SOX6: variants seen among roughly 807,000 people sequenced by gnomAD.
SOX6 encodes the protein SRY-box transcription factor 6.
In SOX6, 11 loss-of-function variants were observed where a neutral mutation model predicts 97.8. The observed-to-expected ratio is 0.11, with a 90% CI of 0.07 to 0.19. The LOEUF (loss-of-function observed/expected upper bound fraction) is 0.19, where lower values mean the gene tolerates loss of function less well. Ranked by LOEUF, SOX6 falls within the 10% of genes least tolerant of loss-of-function variation. The probability of loss-of-function intolerance (pLI) is 1.00; values close to 1 mark genes in which losing one functional copy is unlikely to be tolerated. For missense variants in SOX6, 810 were observed against 1,039.5 expected (o/e 0.78, Z 3.04); for synonymous variants, 360 against 371.4 (o/e 0.97, Z 0.35).
intron 4 of SOX6, among the ~76,000 whole-genome samples, chr11:16,205,290 T>C (rs1852043524): frequency 6.6e-6 from 1 of 152,068 alleles, no homozygotes; most frequent in Admixed American, 6.6e-5. Context: ...AGATCTTCTA[T>C]AGGGAAAACA....
intron 1 of SOX6, chr11:16,736,596 T>A (rs1323936507): frequency 6.6e-6 from 1 of 152,214 alleles, no homozygotes; most frequent in African/African-American, 2.4e-5. Flanking sequence ...ATTTCAGAAA[T>A]CTTTTAGCAG....
At chr11:16,427,888 C>A (rs1859182266) in intron 1 of SOX6, among the ~76,000 whole-genome samples, 1 of 152,138 alleles carries the variant, frequency 6.6e-6, no homozygotes, top group African/African-American at 2.4e-5. Context: ...AGTTCTAGAT[C>A]CCTGAGGAAT....
At chr11:16,461,493 A>G (rs1428095105) in intron 1 of SOX6, among the ~76,000 whole-genome samples, 1 of 152,090 alleles carries the variant, frequency 6.6e-6, no homozygotes, top group Non-Finnish European at 1.5e-5. Context: ...TCTAGCCTAT[A>G]CATACCTATA....
At chr11:16,276,003 C>A (rs1413757405) in intron 3 of SOX6, among the ~76,000 whole-genome samples, 8 of 151,980 alleles carry the variant, frequency 5.3e-5, no homozygotes, top group Admixed American at 5.2e-4. Flanking sequence ...ATATGATGTA[C>A]ATTAAACTAA....
intron 6 of SOX6, among the ~76,000 whole-genome samples, chr11:16,149,704 C>G (rs1000543325): frequency 2.6e-5 from 4 of 152,130 alleles, no homozygotes; most frequent in Admixed American, 2.6e-4. Flanking sequence ...TAAAACTCAT[C>G]AAGTTTAAAT....
intron 1 of SOX6, among the ~76,000 whole-genome samples, chr11:16,372,335 T>C (rs907876618): frequency 1.3e-5 from 2 of 152,038 alleles, no homozygotes; most frequent in African/African-American, 4.8e-5. Context: ...TTATTTTTAA[T>C]ATATAATAGA....
chr11:16,735,500 A>G (rs1369337692), intron 2 of SOX6, among the ~76,000 whole-genome samples: 1 of 152,204 alleles, frequency 6.6e-6, no homozygotes, highest in Non-Finnish European at 1.5e-5. Context: ...AGGATTATGC[A>G]TTATTCACTC....
chr11:16,077,507 T>G (rs1362377472), intron 9 of SOX6, among the ~76,000 whole-genome samples: 1 of 152,058 alleles, frequency 6.6e-6, no homozygotes, highest in Non-Finnish European at 1.5e-5. Flanking sequence ...GACACACACG[T>G]GTATGTTCAT....
intron 9 of SOX6, among the ~76,000 whole-genome samples, chr11:16,088,552 T>C (rs1288640747): frequency 6.6e-6 from 1 of 152,178 alleles, no homozygotes; most frequent in Admixed American, 6.6e-5. Flanking sequence ...GTTGGAATCA[T>C]GTAGTATGCT....
In SOX6 at chr11:16,605,781, G is replaced by A. The variant is rs1848327509; in HGVS notation, n.609+6300C>T. The A allele has an allele frequency of 6.6e-6, 1 of 152,294 alleles. No homozygotes were observed. Among genetic ancestry groups the A allele is most frequent in the African/African-American group, 2.4e-5 (1 of 41,526 alleles). 9.4% of individuals were successfully genotyped at this position (152,294 alleles called of 1,614,324 possible). A position where few individuals can be genotyped will look rare whatever the true frequency, so the allele number is the denominator to read the frequency against. Reference sequence around the variant, plus strand: ...GCCCAGAAGCTCAGCGGGTCCTCCCGACCTCCCGCACCCAGAGCCTGGGTG... The same window carrying A: ...GCCCAGAAGCTCAGCGGGTCCTCCCAACCTCCCGCACCCAGAGCCTGGGTG... On this transcript the variant is annotated intron_variant and non_coding_transcript_variant, in intron 4 of 5. Coordinates refer to the SOX6 transcript ENST00000524520. The surrounding 1 kb of genome is among the most constrained non-coding windows in gnomAD (Gnocchi z 5.3).
chr11:16,316,572 A>G (rs192588860), intron 3 of SOX6: 1 of 152,182 alleles, frequency 6.6e-6, no homozygotes, highest in East Asian at 1.9e-4. Context: ...ACACATGGTA[A>G]CAAAGAGGAC....
intron 13 of SOX6, among the ~76,000 whole-genome samples, chr11:15,994,748 T>C (rs1331178502): frequency 6.6e-6 from 1 of 152,158 alleles, no homozygotes; most frequent in Non-Finnish European, 1.5e-5. Context: ...ATGCAAAATA[T>C]TGGCGCAAAA....
rs1247897386 is a variant in SOX6 at position 16,097,682 on chromosome 11, T to A, written c.905A>T (p.Asn302Ile). The A allele has an allele frequency of 6.2e-7, 1 of 1,610,818 alleles. No homozygotes were observed. Among genetic ancestry groups the A allele is most frequent in the Admixed American group, 1.7e-5 (1 of 59,754 alleles). ...PPGITYKPGD[N>I]YPVQFIPSTM... is the part of the protein sequence containing the mutation. ...TGATGGAATGAACTGTACGGGGTAG[T>A]TATCACCTGTCGGAAAGAACAATGC... Residue 302 changes from asparagine (N) to isoleucine (I), a missense_variant, in exon 8 of 16, where the codon AAC (asparagine) becomes ATC (isoleucine). Around this residue, in one of 9 missense-constraint regions of SOX6, gnomAD observed 244 missense variants for 261.0 expected, o/e 0.93. Transcript: ENST00000683767.
At chr11:16,496,625 C>G (rs770994571) in intron 4 of SOX6, among the ~76,000 whole-genome samples, 6 of 152,188 alleles carry the variant, frequency 3.9e-5, no homozygotes, top group Non-Finnish European at 8.8e-5. Flanking sequence ...CACCCTAATA[C>G]TGCACTTTTC....
intron 11 of SOX6, among the ~76,000 whole-genome samples, chr11:16,049,275 A>T (rs1351868700): frequency 6.6e-6 from 1 of 152,172 alleles, no homozygotes; most frequent in African/African-American, 2.4e-5. Flanking sequence ...ACATTATGAC[A>T]TCTTTTCCTA....
intron 1 of SOX6, among the ~76,000 whole-genome samples, chr11:16,411,903 G>T (rs1858828546): frequency 6.6e-6 from 1 of 152,034 alleles, no homozygotes. Context: ...TTAATGAAAA[G>T]GATTAACATA....
intron 1 of SOX6, among the ~76,000 whole-genome samples, chr11:16,429,035 A>G (rs1474100909): frequency 6.6e-6 from 1 of 152,130 alleles, no homozygotes; most frequent in African/African-American, 2.4e-5. Context: ...GGCACTTTTC[A>G]AAAGTAAGAC....
chr11:16,006,809 A>T (rs1490773750), intron 13 of SOX6, among the ~76,000 whole-genome samples: 1 of 152,008 alleles, frequency 6.6e-6, no homozygotes, highest in East Asian at 1.9e-4. Context: ...TATATTTTTT[A>T]AAAAACCTTT....
chr11:16,716,905 G>C (rs751457120), intron 2 of SOX6, among the ~76,000 whole-genome samples: 1 of 152,034 alleles, frequency 6.6e-6, no homozygotes, highest in Admixed American at 6.6e-5. Flanking sequence ...GGGGGTCATA[G>C]TAATTGGGAA....
Sources: allele counts gnomAD v4.1 joint callset (sites outside exome capture counted in the v4.1 genomes callset), GRCh38; gene constraint gnomAD v4.1.1; regional missense constraint gnomAD v4.1.1; non-coding constraint Gnocchi (gnomAD v3.1); transcripts MANE v1.5; gene names NCBI Gene and HGNC (gene_info 2026-07-23, HGNC 2026-07-21).